The following BICD1 variants were observed in gnomAD, a reference collection of about 807,000 sequenced individuals.
BICD1 encodes the protein BICD cargo adaptor 1.
A neutral mutation model predicts 92.5 loss-of-function variants in BICD1; 35 were observed. That is an observed-to-expected ratio of 0.38 (90% CI 0.29 to 0.50). BICD1 has a LOEUF of 0.50. Ranked by LOEUF, BICD1 falls within the 20% of genes least tolerant of loss-of-function variation. The pLI is 0.93. For synonymous variants in BICD1, 429 were observed against 465.1 expected, an observed-to-expected ratio of 0.92 and a Z score of 1.00; for missense variants, 950 against 1,189.8, an observed-to-expected ratio of 0.80 and a Z score of 2.97.
chr12:32,117,780 C>T (rs12828764), intron 1 of BICD1, among the ~76,000 whole-genome samples: 21,466 of 137,514 alleles, frequency 0.16, 1,927 homozygotes, highest in Middle Eastern at 0.19. Context: ...GACCATATTT[C>T]GCTCTCGTTG....
At chr12:32,267,433 A>G (rs1429193983) in intron 2 of BICD1, among the ~76,000 whole-genome samples, 1 of 152,226 alleles carries the variant, frequency 6.6e-6, no homozygotes, top group African/African-American at 2.4e-5. Flanking sequence ...GGCAGAGAAC[A>G]AGTACTCAGT....
chr12:32,306,839 A>ACCTGG (rs1273820426), intron 4 of BICD1, among the ~76,000 whole-genome samples: 1 of 151,604 alleles, frequency 6.6e-6, no homozygotes, highest in Non-Finnish European at 1.5e-5. Context: ...ACATGGTAAA[A>ACCTGG]CCCCATCGCT....
chr12:32,342,938 T>A (rs530271045), intron 8 of BICD1, among the ~76,000 whole-genome samples: 2 of 152,332 alleles, frequency 1.3e-5, no homozygotes, highest in East Asian at 3.9e-4. Flanking sequence ...ACTGATCGGT[T>A]TGCTGCATTA....
chr12:32,233,277 G>A (rs1945948905), intron 2 of BICD1, among the ~76,000 whole-genome samples: 2 of 138,498 alleles, frequency 1.4e-5, no homozygotes, highest in Non-Finnish European at 3.0e-5. Context: ...AGCTGAGATT[G>A]TGCCATTGCA....
chr12:32,169,871 C>T (rs1453475000), intron 1 of BICD1, among the ~76,000 whole-genome samples: 2 of 152,228 alleles, frequency 1.3e-5, no homozygotes, highest in African/African-American at 4.8e-5. Flanking sequence ...GCTGGGATTA[C>T]AGGCATGAGC....
chr12:32,365,818 ACT>A (rs747556827), intron 8 of BICD1, among the ~76,000 whole-genome samples: 22 of 152,308 alleles, frequency 1.4e-4, no homozygotes, highest in African/African-American at 2.2e-4. Flanking sequence ...ATTCCTTAAG[ACT>A]CTGAGTTTCT....
At chr12:32,306,611 T>C (rs1948232515) in intron 4 of BICD1, among the ~76,000 whole-genome samples, 1 of 152,150 alleles carries the variant, frequency 6.6e-6, no homozygotes. Flanking sequence ...TAGAAAGACA[T>C]GACAGAAGGA....
chr12:32,118,239 C>G (rs546867285), intron 1 of BICD1, among the ~76,000 whole-genome samples: 6 of 151,786 alleles, frequency 4.0e-5, no homozygotes, highest in African/African-American at 1.5e-4. Flanking sequence ...CCCGCCACTA[C>G]GCCTGGCCAA....
intron 1 of BICD1, among the ~76,000 whole-genome samples, chr12:32,132,590 G>A (rs1240445730): frequency 6.6e-6 from 1 of 152,098 alleles, no homozygotes; most frequent in Non-Finnish European, 1.5e-5. Flanking sequence ...TACAAAAACA[G>A]TCACACATTC....
chr12:32,168,525 G>C (rs1484562508), intron 1 of BICD1, among the ~76,000 whole-genome samples: 4 of 152,196 alleles, frequency 2.6e-5, no homozygotes, highest in Admixed American at 2.6e-4. Flanking sequence ...AGTTGCCTGA[G>C]AACAGGAACC....
intron 2 of BICD1, among the ~76,000 whole-genome samples, chr12:32,242,521 T>G (rs1245185792): frequency 1.3e-5 from 2 of 150,698 alleles, no homozygotes; most frequent in African/African-American, 4.8e-5. Flanking sequence ...AGCGAGACTC[T>G]GTCTTAAAAG....
chr12:32,181,383 G>A (rs1356738076), intron 1 of BICD1, among the ~76,000 whole-genome samples: 2 of 151,072 alleles, frequency 1.3e-5, no homozygotes, highest in East Asian at 3.9e-4. Context: ...TCACCCCACG[G>A]CACTCCAGCC....
At chr12:32,361,931 C>T (rs1194342400) in intron 8 of BICD1, among the ~76,000 whole-genome samples, 2 of 152,330 alleles carry the variant, frequency 1.3e-5, no homozygotes, top group African/African-American at 4.8e-5. Flanking sequence ...CTCACCAGTG[C>T]CCACTGCTGC....
chr12:32,115,700 A>C (rs1684146), intron 1 of BICD1, among the ~76,000 whole-genome samples: 129,442 of 152,152 alleles, frequency 0.85, 55,294 homozygotes, highest in African/African-American at 0.93. Context: ...TTGGATGCCC[A>C]ATAGCAGACC....
At chr12:32,150,523 A>G (rs1943258586) in intron 1 of BICD1, among the ~76,000 whole-genome samples, 1 of 152,200 alleles carries the variant, frequency 6.6e-6, no homozygotes, top group African/African-American at 2.4e-5. Context: ...CTGAGCAGAG[A>G]GACTGATGAT....
chr12:32,143,679 G>A (rs1943020566), intron 1 of BICD1, among the ~76,000 whole-genome samples: 1 of 152,134 alleles, frequency 6.6e-6, no homozygotes, highest in Non-Finnish European at 1.5e-5. Context: ...TTCTATGAGC[G>A]TGATCACGGT....
chr12:32,214,663 A>G (rs1197523127), intron 1 of BICD1, among the ~76,000 whole-genome samples: 1 of 152,226 alleles, frequency 6.6e-6, no homozygotes, highest in Non-Finnish European at 1.5e-5. Flanking sequence ...TATGAGAAAC[A>G]AGTTTACCAA....
chr12:32,302,204 A>T (rs1378307524), intron 3 of BICD1, among the ~76,000 whole-genome samples: 2 of 152,196 alleles, frequency 1.3e-5, no homozygotes, highest in East Asian at 1.9e-4. Context: ...TGATTTTTTT[A>T]AAAAAGAAAT....
chr12:32,299,354 G>A (rs745486201), intron 3 of BICD1, among the ~76,000 whole-genome samples: 1 of 152,134 alleles, frequency 6.6e-6, no homozygotes, highest in Non-Finnish European at 1.5e-5. Context: ...ACATGGTGCA[G>A]CCTTACAACA....
Sources: allele counts gnomAD v4.1 joint callset (sites outside exome capture counted in the v4.1 genomes callset), GRCh38; gene constraint gnomAD v4.1.1; transcripts MANE v1.5; gene names NCBI Gene and HGNC (gene_info 2026-07-23, HGNC 2026-07-21).